YTHDF1: variants seen among roughly 807,000 people sequenced by gnomAD.
The protein encoded by YTHDF1 is YTH domain-containing family protein 1.
Under a neutral mutation model 49.1 loss-of-function variants are expected in YTHDF1, and 16 were observed. That is an observed-to-expected ratio of 0.33 (90% CI 0.22 to 0.49). The LOEUF is 0.49. Ranked by LOEUF, YTHDF1 falls within the 20% of genes least tolerant of loss-of-function variation. The pLI is 0.99. For synonymous variants in YTHDF1, 313 were observed against 290.1 expected (o/e 1.08, Z -0.80); for missense variants, 621 against 744.3 (o/e 0.83, Z 1.93).
chr20:63,204,165 C>T (rs934834275), intron 3 of YTHDF1, among the ~76,000 whole-genome samples: 1 of 152,316 alleles, frequency 6.6e-6, no homozygotes, highest in African/African-American at 2.4e-5. Context: ...CTGACGACAA[C>T]GCTTATGACA....
At chr20:63,197,726 A>C (rs1448378966) in intron 4 of YTHDF1, among the ~76,000 whole-genome samples, 2 of 152,148 alleles carry the variant, frequency 1.3e-5, no homozygotes, top group African/African-American at 4.8e-5. Context: ...TGGGCAACAG[A>C]GAGAGACCCT....
Position 63,198,270 on chromosome 20 carries a change from T to G in YTHDF1, c.1654-1536A>C, listed in dbSNP as rs186112239. Among the ~76,000 whole-genome samples, 598 of 132,556 alleles carry G rather than the reference T, an allele frequency of 4.5e-3. 6 individuals carry two copies. Among genetic ancestry groups the G allele is most frequent in the Non-Finnish European group, 3.3e-3 (201 of 61,126 alleles). The allele number at this position is 132,556 out of a possible 152,430, so 87.0% of individuals were successfully genotyped here. A position where few individuals can be genotyped will look rare whatever the true frequency, so the allele number is the denominator to read the frequency against. Reference sequence around the variant, plus strand: ...CAACATGGTAAAACCCCACCTCTACTAAAAATACAAAAAAAAAAAAAAAAT... The same window carrying G: ...CAACATGGTAAAACCCCACCTCTACGAAAAATACAAAAAAAAAAAAAAAAT... On this transcript the variant is annotated intron_variant, in intron 4 of 4. Coordinates refer to ENST00000370339, the MANE Select transcript of YTHDF1 (RefSeq NM_017798.4).
intron 3 of YTHDF1, among the ~76,000 whole-genome samples, chr20:63,209,493 G>A (rs1311952912): frequency 6.6e-6 from 1 of 152,064 alleles, no homozygotes; most frequent in Non-Finnish European, 1.5e-5. Flanking sequence ...GACACGGCCA[G>A]GCACAGTGGC....
intron 3 of YTHDF1, among the ~76,000 whole-genome samples, chr20:63,206,368 A>G (rs1038969998): frequency 1.3e-5 from 2 of 152,198 alleles, no homozygotes; most frequent in African/African-American, 4.8e-5. Context: ...ATCACTTACC[A>G]CATGAAAAAA....
At chr20:63,215,655 A>T in intron 1 of YTHDF1, 54 bp from the exon 2 acceptor site, 1 of 1,570,752 alleles carries the variant, frequency 6.4e-7, no homozygotes, top group Non-Finnish European at 8.6e-7. Context: ...GGAAGAGGGA[A>T]ACACAAAGTT....
chr20:63,196,459 C>T lies in YTHDF1; in HGVS notation c.*249G>A, dbSNP rs951052294. The stretch of plus-strand genomic sequence containing the variant: ...TTTGTTTTTAAGGATACTTACATTT[C>T]ACATTAGATCAGTCTGATTGATAAG... On this transcript the variant is annotated 3_prime_UTR_variant, in exon 5 of 5. Transcript: ENST00000370339. 5.4e-6 allele frequency: 2 copies of T among 369,302 alleles called. No individual in the cohort carries two copies. The highest frequency in any genetic ancestry group is 4.2e-5 in the African/African-American group (2 of 47,708). The allele number at this position is 369,302 out of a possible 1,614,324, so 22.9% of individuals were successfully genotyped here. A position where few individuals can be genotyped will look rare whatever the true frequency, so the allele number is the denominator to read the frequency against.
chr20:63,216,077 C>A lies in YTHDF1; in HGVS notation c.-185G>T, dbSNP rs2066601381. On this transcript the variant is annotated 5_prime_UTR_variant, in exon 1 of 5. Transcript: ENST00000370339. ...GGCGAGGCGGCAGCGGCGGTGAGCC[C>A]GGGACGCGGACGCACTGAGGAGGCG... 3.4e-6 allele frequency: 1 copy of A among 292,388 alleles called. No individual in the cohort carries two copies. The highest frequency in any genetic ancestry group is 5.1e-6 in the Non-Finnish European group (1 of 197,490). 18.1% of individuals were successfully genotyped at this position (292,388 alleles called of 1,614,324 possible).
chr20:63,203,336 T>C lies in YTHDF1; in HGVS notation c.604A>G (p.Thr202Ala). Reference sequence around the variant, plus strand: ...ACGCTGCTGACGACAGAGCCCACCGTCTTGACGGCGGAGGAGCTGACGTCC... The same window carrying C: ...ACGCTGCTGACGACAGAGCCCACCGCCTTGACGGCGGAGGAGCTGACGTCC... ...IGDVSSSAVKTVGSVVSSVAL... is the reference protein window; with the variant it reads ...IGDVSSSAVKAVGSVVSSVAL... Residue 202 changes from threonine (T) to alanine (A), a missense_variant, in exon 4 of 5, where the codon ACG (threonine) becomes GCG (alanine). Physicochemically the swap from Thr to Ala is moderately conservative, Grantham distance 58. Coordinates refer to ENST00000370339, the MANE Select transcript of YTHDF1 (RefSeq NM_017798.4). The surrounding 1 kb of genome is among the most constrained non-coding windows in gnomAD (Gnocchi z 4.4). 6.2e-7 allele frequency: 1 copy of C among 1,613,322 alleles called. No individual in the cohort carries two copies. Among genetic ancestry groups the C allele is most frequent in the Admixed American group, 1.7e-5 (1 of 60,008 alleles).
At chr20:63,207,896 C>G (rs954893007) in intron 3 of YTHDF1, among the ~76,000 whole-genome samples, 1 of 151,380 alleles carries the variant, frequency 6.6e-6, no homozygotes, top group African/African-American at 2.4e-5. Context: ...GAGCCTGAGG[C>G]AGGAGAATCG....
At chr20:63,208,118 T>C (rs892414629) in intron 3 of YTHDF1, among the ~76,000 whole-genome samples, 21 of 152,068 alleles carry the variant, frequency 1.4e-4, no homozygotes, top group African/African-American at 5.1e-4. Context: ...TGAAGTTCAA[T>C]GGTTAAGTTT....
rs757315844 is a variant in YTHDF1, at chr20:63,215,570, C to A, written c.52+7G>T. ...GCCCGCGCCGGCCGTCCCGGGACTC[C>A]GCTCACCTTTATTATCTTGTCCTTT... On this transcript the variant is annotated splice_region_variant and intron_variant, in intron 2 of 4. Transcript: ENST00000370339. 1.7e-5 allele frequency: 28 copies of A among 1,613,628 alleles called. No individual in the cohort carries two copies. In the Admixed American group the frequency reaches 4.7e-4, roughly 27 times the overall value.
At chr20:63,197,461 G>C (rs940949488) in intron 4 of YTHDF1, among the ~76,000 whole-genome samples, 3 of 152,170 alleles carry the variant, frequency 2.0e-5, no homozygotes, top group African/African-American at 7.2e-5. Flanking sequence ...ACTTACACCC[G>C]AATCTTTTCC....
intron 3 of YTHDF1, among the ~76,000 whole-genome samples, chr20:63,207,694 G>A (rs566981259): frequency 1.3e-5 from 2 of 151,942 alleles, no homozygotes; most frequent in South Asian, 2.1e-4. Flanking sequence ...GAGAACTGAC[G>A]ACCTCATCGA....
chr20:63,203,060 C>T lies in YTHDF1; in HGVS notation c.880G>A (p.Ala294Thr), dbSNP rs958879090. The change falls in exon 4 of 5, where the codon GCT becomes ACT. Residue 294 changes from alanine (A) to threonine (T), a missense_variant. By Grantham distance (58) the Ala-to-Thr change is moderately conservative. Coordinates refer to ENST00000370339, the MANE Select transcript of YTHDF1 (RefSeq NM_017798.4). This position sits in a 1 kb window ranked among gnomAD's most constrained non-coding sequence, Gnocchi z 4.4. The stretch of plus-strand genomic sequence containing the variant: ...GCCACCTGCTGGGGCTGTGGGGCAG[C>T]CTGTGGAGAGGGTGCCTGCTGGGGG... The part of the protein sequence containing the change: ...PVPQQAPSPQ[A>T]APQPQQVAQP... 1.2e-6 allele frequency: 2 copies of T among 1,605,480 alleles called. No individual in the cohort carries two copies. Among genetic ancestry groups the T allele is most frequent in the Middle Eastern group, 1.7e-4 (1 of 6,012 alleles).
At chr20:63,202,226 G>C in intron 4 of YTHDF1, 61 bp downstream of exon 4, 2 of 1,549,558 alleles carry the variant, frequency 1.3e-6, no homozygotes, top group Non-Finnish European at 1.7e-6. Flanking sequence ...CGGGCCACCT[G>C]GTCTAAGTAC....
chr20:63,207,898 G>A (rs2122985594), intron 3 of YTHDF1, among the ~76,000 whole-genome samples: 1 of 152,190 alleles, frequency 6.6e-6, no homozygotes, highest in South Asian at 2.1e-4. Context: ...GCCTGAGGCA[G>A]GAGAATCGCT....
chr20:63,214,676 T>C (rs1037084492), intron 2 of YTHDF1, among the ~76,000 whole-genome samples: 10 of 152,330 alleles, frequency 6.6e-5, no homozygotes, highest in Middle Eastern at 6.8e-3. Context: ...TCTTTCGAGT[T>C]TCTGATTAGC....
chr20:63,212,696 C>T (rs777425367), intron 3 of YTHDF1, among the ~76,000 whole-genome samples: 5 of 152,228 alleles, frequency 3.3e-5, no homozygotes, highest in Non-Finnish European at 5.9e-5. Flanking sequence ...TTTGCTGCAA[C>T]AGCAGCACAG....
At chr20:63,213,322 C>T (rs2066584655) in intron 3 of YTHDF1, among the ~76,000 whole-genome samples, 1 of 152,224 alleles carries the variant, frequency 6.6e-6, no homozygotes, top group African/African-American at 2.4e-5. Flanking sequence ...ATTCCAGCTA[C>T]TCCCGAGGCT....
Sources: allele counts gnomAD v4.1 joint callset (sites outside exome capture counted in the v4.1 genomes callset), GRCh38; gene constraint gnomAD v4.1.1; non-coding constraint Gnocchi (gnomAD v3.1); transcripts MANE v1.5; gene names NCBI Gene and HGNC (gene_info 2026-07-23, HGNC 2026-07-21).